The following NAV2 variants were observed in gnomAD, a reference collection of about 807,000 sequenced individuals.
The protein encoded by NAV2 is neuron navigator 2.
NAV2 carries 54 observed loss-of-function variants against 223.2 expected under a neutral mutation model. The observed-to-expected ratio is 0.24, with a 90% CI of 0.19 to 0.30. The LOEUF (loss-of-function observed/expected upper bound fraction) is 0.30, where lower values mean the gene tolerates loss of function less well. Among genes scored for constraint, NAV2 ranks in the 10% least tolerant of loss-of-function variants. NAV2 has a pLI of 1.00. For missense variants in NAV2, 2,806 were observed against 3,147.5 expected (o/e 0.89, Z 2.60); for synonymous variants, 1,279 against 1,239.3 (o/e 1.03, Z -0.67).
At chr11:19,954,557 C>G in intron 10 of NAV2, among the ~76,000 whole-genome samples, 1 of 152,140 alleles carries the variant, frequency 6.6e-6, no homozygotes, top group East Asian at 1.9e-4. Flanking sequence ...TAAATCATCT[C>G]TAGATTACCT....
chr11:19,459,825 G>T (rs1209005355), intron 1 of NAV2, among the ~76,000 whole-genome samples: 1 of 152,172 alleles, frequency 6.6e-6, no homozygotes, highest in African/African-American at 2.4e-5. Context: ...GGTCTTGGGA[G>T]CCACAGAATG....
At chr11:19,779,937 G>A (rs1036401761) in intron 1 of NAV2, among the ~76,000 whole-genome samples, 5 of 152,222 alleles carry the variant, frequency 3.3e-5, no homozygotes, top group Admixed American at 6.5e-5. Context: ...CCAGAATGAG[G>A]CCTGGGGCCA....
At chr11:19,614,094 G>A (rs773954572) in intron 1 of NAV2, among the ~76,000 whole-genome samples, 26 of 152,302 alleles carry the variant, frequency 1.7e-4, no homozygotes, top group African/African-American at 5.5e-4. Context: ...GATAAAGAGG[G>A]TTGTGGTCTT....
chr11:19,436,054 G>A (rs1851204296), intron 1 of NAV2, among the ~76,000 whole-genome samples: 1 of 151,854 alleles, frequency 6.6e-6, no homozygotes, highest in South Asian at 2.1e-4. Context: ...CCTTTGTTGT[G>A]GAGCTTTTTA....
intron 1 of NAV2, chr11:19,380,561 G>A (rs1848803519): frequency 6.6e-6 from 1 of 152,292 alleles, no homozygotes; most frequent in South Asian, 2.1e-4. Flanking sequence ...AGGCCAACAG[G>A]AAGTGGCAGA....
chr11:19,956,425 A>G (rs2047887536), intron 10 of NAV2, among the ~76,000 whole-genome samples: 2 of 151,020 alleles, frequency 1.3e-5, no homozygotes, highest in Non-Finnish European at 3.0e-5. Flanking sequence ...ATCTCTCCAG[A>G]TGCCAATCAC....
chr11:19,382,835 A>C (rs899423325), intron 1 of NAV2, among the ~76,000 whole-genome samples: 1 of 152,210 alleles, frequency 6.6e-6, no homozygotes, highest in Non-Finnish European at 1.5e-5. Context: ...TAGCTAGTAC[A>C]TGACAGAGGC....
At chr11:19,742,114 G>A (rs769921083) in intron 1 of NAV2, among the ~76,000 whole-genome samples, 3 of 152,084 alleles carry the variant, frequency 2.0e-5, no homozygotes, top group Non-Finnish European at 4.4e-5. Flanking sequence ...GTGATGTTGA[G>A]CACCTTGTCA....
intron 1 of NAV2, among the ~76,000 whole-genome samples, chr11:19,801,333 G>A (rs1482591523): frequency 2.0e-5 from 3 of 152,242 alleles, no homozygotes; most frequent in Non-Finnish European, 4.4e-5. Context: ...CTGACTGACT[G>A]GGTCTCCCCA....
At chr11:19,523,213 C>G (rs184690470) in intron 1 of NAV2, among the ~76,000 whole-genome samples, 3 of 152,322 alleles carry the variant, frequency 2.0e-5, no homozygotes, top group East Asian at 3.9e-4. Flanking sequence ...ACACGAACTC[C>G]CTTCTCCAGT....
At chr11:19,623,273 G>A (rs1302565096) in intron 1 of NAV2, among the ~76,000 whole-genome samples, 7 of 152,082 alleles carry the variant, frequency 4.6e-5, no homozygotes, top group Non-Finnish European at 1.0e-4. Flanking sequence ...GAGTATCTTT[G>A]TGGCATTCTC....
intron 10 of NAV2, among the ~76,000 whole-genome samples, chr11:19,965,936 C>G (rs896417540): frequency 3.3e-5 from 5 of 152,206 alleles, no homozygotes; most frequent in African/African-American, 1.2e-4. Flanking sequence ...ACTCCCACGT[C>G]TCACTCCTGG....
intron 1 of NAV2, among the ~76,000 whole-genome samples, chr11:19,562,413 C>G (rs1346218850): frequency 6.6e-6 from 1 of 152,172 alleles, no homozygotes; most frequent in Non-Finnish European, 1.5e-5. Flanking sequence ...CTCCGGGCAT[C>G]CTTTAGGGCA....
intron 6 of NAV2, among the ~76,000 whole-genome samples, chr11:19,926,258 C>T (rs2044741800): frequency 6.6e-6 from 1 of 152,182 alleles, no homozygotes; most frequent in Non-Finnish European, 1.5e-5. Context: ...ATTATAGACA[C>T]AATAAGCTCC....
intron 11 of NAV2, among the ~76,000 whole-genome samples, chr11:20,021,043 A>C (rs2054462630): frequency 6.6e-6 from 1 of 152,202 alleles, no homozygotes; most frequent in Non-Finnish European, 1.5e-5. Flanking sequence ...TTGTAATAAA[A>C]ACCATGCCCT....
At position 19,854,486 on chromosome 11, in the gene NAV2, G is replaced by A. The variant is rs145508841; in HGVS notation, c.438+11563G>A. 2.2e-3 allele frequency among the ~76,000 whole-genome samples: 334 copies of A among 152,256 alleles called. 2 individuals carry two copies. The highest frequency in any genetic ancestry group is 7.5e-3 in the African/African-American group (311 of 41,556). On this transcript the variant is annotated intron_variant, in intron 3 of 37. Coordinates refer to ENST00000349880, the MANE Select transcript of NAV2 (RefSeq NM_145117.5). ...AAATTGATCTTCTGTGGATTGGCACGCAACAGGCAAAAAATTGGCTGTAAC... is the reference window on the plus strand; with the variant it reads ...AAATTGATCTTCTGTGGATTGGCACACAACAGGCAAAAAATTGGCTGTAAC...
At chr11:20,044,899 A>G in intron 13 of NAV2, 69 bp from the exon 14 acceptor site, 4 of 1,333,330 alleles carry the variant, frequency 3.0e-6, no homozygotes, top group South Asian at 1.4e-5. Context: ...GGAGGAGAGC[A>G]TCTTAAACAG....
the NAV2 span, among the ~76,000 whole-genome samples, chr11:19,345,613 C>T: frequency 6.6e-6 from 1 of 152,218 alleles, no homozygotes; most frequent in Non-Finnish European, 1.5e-5. The surrounding 1 kb of genome is among the most constrained non-coding windows in gnomAD (Gnocchi z 5.2). Context: ...GCCACCCGTG[C>T]GCGATGACGG....
intron 14 of NAV2, among the ~76,000 whole-genome samples, chr11:20,046,098 G>T (rs2057393320): frequency 1.3e-5 from 2 of 152,186 alleles, no homozygotes; most frequent in African/African-American, 4.8e-5. Flanking sequence ...CACTTTGGGA[G>T]GCCAAGGCGG....
Sources: allele counts gnomAD v4.1 joint callset (sites outside exome capture counted in the v4.1 genomes callset), GRCh38; gene constraint gnomAD v4.1.1; non-coding constraint Gnocchi (gnomAD v3.1); transcripts MANE v1.5; gene names NCBI Gene and HGNC (gene_info 2026-07-23, HGNC 2026-07-21).